Variants in HHLA1 observed in about 807,000 individuals in gnomAD.
HHLA1 encodes the protein HHLA1 neighbor of OC90.
A neutral mutation model predicts 69.9 loss-of-function variants in HHLA1; 72 were observed. The observed-to-expected ratio is 1.03, with a 90% CI of 0.85 to 1.25. The LOEUF is 1.25. Ranked by LOEUF, HHLA1 falls within the 50% of genes most tolerant of loss-of-function variation. The pLI is 0.00. For synonymous variants in HHLA1, 252 were observed against 233.2 expected (o/e 1.08, Z -0.73); for missense variants, 685 against 642.2 (o/e 1.07, Z -0.72).
intron 16 of HHLA1, among the ~76,000 whole-genome samples, chr8:132,065,350 C>G (rs1006059502): frequency 3.3e-5 from 5 of 152,178 alleles, no homozygotes; most frequent in Non-Finnish European, 5.9e-5. Flanking sequence ...GGTGCAATCT[C>G]GGCTTACTGC....
At chr8:132,099,513 G>T (rs991346048) in intron 4 of HHLA1, among the ~76,000 whole-genome samples, 1 of 152,194 alleles carries the variant, frequency 6.6e-6, no homozygotes, top group African/African-American at 2.4e-5. Context: ...GTGGCAGTGT[G>T]CAGTGAGTGG....
chr8:132,075,275 C>T (rs147490064), intron 14 of HHLA1, among the ~76,000 whole-genome samples: 1 of 152,204 alleles, frequency 6.6e-6, no homozygotes, highest in African/African-American at 2.4e-5. Flanking sequence ...ACTGGATGGT[C>T]CAGGAGCTGG....
At chr8:132,101,251 C>G (rs1202016594) in intron 3 of HHLA1, 1 of 1,550,274 alleles carries the variant, frequency 6.5e-7, no homozygotes, top group African/African-American at 1.4e-5. Flanking sequence ...CTTTTTCCTT[C>G]TTAACATCTT....
intron 1 of HHLA1, among the ~76,000 whole-genome samples, chr8:132,108,365 T>C (rs890140720): frequency 2.0e-5 from 3 of 152,188 alleles, no homozygotes; most frequent in African/African-American, 4.8e-5. Context: ...GGTACTCCAA[T>C]AGTAAGCAAG....
chr8:132,082,066 A>T (rs1823761799), intron 10 of HHLA1, among the ~76,000 whole-genome samples: 1 of 152,190 alleles, frequency 6.6e-6, no homozygotes, highest in Non-Finnish European at 1.5e-5. Context: ...TCAGAGAGAT[A>T]CAGTAATGGG....
intron 15 of HHLA1, among the ~76,000 whole-genome samples, chr8:132,066,931 G>C (rs956683228): frequency 6.6e-6 from 1 of 152,180 alleles, no homozygotes; most frequent in South Asian, 2.1e-4. Flanking sequence ...CAGTATTTGA[G>C]TCAGGACCCT....
chr8:132,090,590 A>G (rs1279059427), intron 7 of HHLA1, among the ~76,000 whole-genome samples: 3 of 152,208 alleles, frequency 2.0e-5, no homozygotes, highest in African/African-American at 7.2e-5. Context: ...GATGATGGGC[A>G]CTACTATGCA....
At position 132,061,644 on chromosome 8, in the gene HHLA1, C is replaced by A. The variant is rs1319425604; in HGVS notation, c.*2351G>T. ...TAGTAGGAGTTCCAGATCAGTAGCA[C>A]CCCCTGAGGCTTTCTTATTGCCCTA... On this transcript the variant is annotated 3_prime_UTR_variant, in exon 17 of 17. Transcript: ENST00000414222. The A allele has an allele frequency of 6.6e-6, 1 of 152,188 alleles. No individual in the cohort carries two copies. The highest frequency in any genetic ancestry group is 2.4e-5 in the African/African-American group (1 of 41,414). The allele number at this position is 152,188 out of a possible 1,614,324, so 9.4% of individuals were successfully genotyped here. A position where few individuals can be genotyped will look rare whatever the true frequency, so the allele number is the denominator to read the frequency against.
At position 132,077,829 on chromosome 8, in the gene HHLA1, A is replaced by G. The variant is rs997536529; in HGVS notation, c.1068T>C (p.Thr356=). 1 of 1,551,600 alleles carries G rather than the reference A, an allele frequency of 6.4e-7. No individual in the cohort carries two copies. The highest frequency in any genetic ancestry group is 8.7e-7 in the Non-Finnish European group (1 of 1,146,984). Residue 356 remains threonine (T), a synonymous_variant, in exon 12 of 17, where the codon ACT becomes ACC. Coordinates refer to ENST00000414222, the MANE Select transcript of HHLA1 (RefSeq NM_001145095.3). ...TCATGGCTTCCTCGGTCCCTGCAGT[A>G]GTCGGTGGGGAAGAACGAGTTTCCC... ...SLWETRSSPP[T]TAGTEEAMNT...
At chr8:132,084,862 G>A (rs1170452938) in intron 10 of HHLA1, among the ~76,000 whole-genome samples, 1 of 152,036 alleles carries the variant, frequency 6.6e-6, no homozygotes, top group Non-Finnish European at 1.5e-5. Flanking sequence ...TTGGGGTGTG[G>A]AAATAAGCGA....
intron 13 of HHLA1, 53 bp downstream of exon 13, chr8:132,076,422 C>CCCCCCCCCCA: frequency 4.5e-6 from 3 of 664,354 alleles, no homozygotes; most frequent in East Asian, 5.9e-5. Context: ...CCAAGCTTCC[C>CCCCCCCCCCA]ACCCCTCCCA....
intron 7 of HHLA1, among the ~76,000 whole-genome samples, chr8:132,091,926 G>C (rs1823952254): frequency 6.6e-6 from 1 of 152,186 alleles, no homozygotes; most frequent in African/African-American, 2.4e-5. Context: ...AGTACTCTAA[G>C]TGATTTTACA....
chr8:132,094,461 G>A (rs1276343634), intron 7 of HHLA1, among the ~76,000 whole-genome samples: 3 of 152,110 alleles, frequency 2.0e-5, no homozygotes, highest in Admixed American at 6.5e-5. Context: ...CTATAGCTCT[G>A]TCCTGGCTAA....
intron 15 of HHLA1, among the ~76,000 whole-genome samples, chr8:132,070,624 C>T (rs578146068): frequency 1.9e-4 from 28 of 145,902 alleles, no homozygotes; most frequent in Non-Finnish European, 2.6e-4. Context: ...AACACAGCTC[C>T]ACTCATCTCA....
intron 14 of HHLA1, among the ~76,000 whole-genome samples, chr8:132,075,776 A>G (rs1306149616): frequency 1.3e-5 from 2 of 152,238 alleles, no homozygotes; most frequent in African/African-American, 4.8e-5. Flanking sequence ...CCACTTCCAC[A>G]AACATTATCT....
rs909758935 is a variant in HHLA1 at position 132,071,295 on chromosome 8, A to G, written c.1469+45T>C. 17 of 1,508,964 alleles carry G rather than the reference A, an allele frequency of 1.1e-5. No individual in the cohort carries two copies. In the African/African-American group the frequency reaches 2.2e-4, roughly 20 times the overall value. 93.5% of individuals were successfully genotyped at this position (1,508,964 alleles called of 1,614,324 possible). On this transcript the variant is annotated intron_variant, in intron 15 of 16. Coordinates refer to ENST00000414222, the MANE Select transcript of HHLA1 (RefSeq NM_001145095.3). The stretch of plus-strand genomic sequence containing the variant: ...GCAGAAAAGCCACACGGAATAAGAA[A>G]GCTATAAATATTCCATGTGAAAAGA...
intron 10 of HHLA1, among the ~76,000 whole-genome samples, chr8:132,087,392 G>C (rs1008374371): frequency 1.3e-5 from 2 of 152,102 alleles, no homozygotes; most frequent in African/African-American, 2.4e-5. Context: ...GAAGGAAAAG[G>C]TGCCCTTCCT....
chr8:132,099,987 C>T, intron 4 of HHLA1, 88 bp downstream of exon 4: 2 of 940,982 alleles, frequency 2.1e-6, no homozygotes, highest in South Asian at 1.4e-5. Context: ...ACGTTCTCGC[C>T]ACTGTGGGAA....
chr8:132,089,079 C>A lies in HHLA1; in HGVS notation c.532+437G>T, dbSNP rs956674135. Among the ~76,000 whole-genome samples, 9 of 152,172 alleles carry A rather than the reference C, an allele frequency of 5.9e-5. No homozygotes were observed. The South Asian group carries it at 1.9e-3, about 32-fold the overall frequency. ...TGATTTTCCTGGGGGTTACATGAAA[C>A]CACCTTATAAATGAGGTGTATCATT... On this transcript the variant is annotated intron_variant, in intron 8 of 16. Transcript: ENST00000414222.
Sources: allele counts gnomAD v4.1 joint callset (sites outside exome capture counted in the v4.1 genomes callset), GRCh38; gene constraint gnomAD v4.1.1; transcripts MANE v1.5; gene names NCBI Gene and HGNC (gene_info 2026-07-23, HGNC 2026-07-21).